IL34: variants seen among roughly 807,000 people sequenced by gnomAD.
IL34 encodes interleukin 34, also known as interleukin-34.
In IL34, 17 loss-of-function variants were observed where a neutral mutation model predicts 25.3. The ratio of observed to expected loss-of-function variants is 0.67; its 90% confidence interval spans 0.46 to 1.01. The LOEUF (loss-of-function observed/expected upper bound fraction) is 1.01, where lower values mean the gene tolerates loss of function less well. Among genes scored for constraint, IL34 ranks in the 50% least tolerant of loss-of-function variants. The pLI is 0.00. For missense variants in IL34, 368 were observed against 312.9 expected (o/e 1.18, Z -1.33); for synonymous variants, 174 against 140.9 (o/e 1.23, Z -1.66).
At chr16:70,657,188 G>C (rs527568081) in intron 4 of IL34, 67 bp downstream of exon 4, 1 of 1,530,172 alleles carries the variant, frequency 6.5e-7, no homozygotes, top group East Asian at 2.3e-5. Flanking sequence ...TGTGTGTGAG[G>C]TGTGGCCAAA....
chr16:70,644,064 T>A (rs1459534377), upstream of IL34, among the ~76,000 whole-genome samples: 3 of 152,200 alleles, frequency 2.0e-5, no homozygotes, highest in Non-Finnish European at 4.4e-5. Flanking sequence ...AACCTCCGCC[T>A]CCTGGGTTCC....
intron 1 of IL34, among the ~76,000 whole-genome samples, chr16:70,599,285 C>CT (rs1567439304): frequency 1.6e-5 from 2 of 122,670 alleles, no homozygotes; most frequent in African/African-American, 6.5e-5. Context: ...TTCTTTCTTT[C>CT]TTTCTTTCTT....
At chr16:70,588,316 A>G (rs1178762196) in intron 1 of IL34, among the ~76,000 whole-genome samples, 1 of 152,034 alleles carries the variant, frequency 6.6e-6, no homozygotes, top group Admixed American at 6.6e-5. Context: ...CAACATGGCA[A>G]AACCCCATAT....
chr16:70,584,678 C>G (rs2050670796), intron 1 of IL34, among the ~76,000 whole-genome samples: 1 of 152,008 alleles, frequency 6.6e-6, no homozygotes, highest in Admixed American at 6.6e-5. Flanking sequence ...TTTGCTGTTT[C>G]CTTGTCTTCC....
At chr16:70,631,746 C>G (rs79904026) in intron 1 of IL34, among the ~76,000 whole-genome samples, 5,173 of 152,270 alleles carry the variant, frequency 0.034, 322 homozygotes, top group African/African-American at 0.12. Context: ...CAGGTATACA[C>G]TGGGCGGGAT....
At chr16:70,616,578 G>A (rs1597748627) in intron 1 of IL34, among the ~76,000 whole-genome samples, 1 of 152,190 alleles carries the variant, frequency 6.6e-6, no homozygotes, top group Non-Finnish European at 1.5e-5. Context: ...GGCTGAGTCC[G>A]AAAAGAGAGT....
chr16:70,631,011 G>T (rs1021959440), intron 1 of IL34, among the ~76,000 whole-genome samples: 2 of 152,162 alleles, frequency 1.3e-5, no homozygotes, highest in Admixed American at 6.6e-5. Context: ...TATATACCTG[G>T]CAGTGAAGTT....
intron 1 of IL34, among the ~76,000 whole-genome samples, chr16:70,631,661 A>G (rs1443083484): frequency 6.6e-6 from 1 of 152,118 alleles, no homozygotes; most frequent in Non-Finnish European, 1.5e-5. Flanking sequence ...AAAAGTTAAA[A>G]TAGTTTTGGC....
chr16:70,586,015 G>A (rs548445080), intron 1 of IL34, among the ~76,000 whole-genome samples: 1 of 151,432 alleles, frequency 6.6e-6, no homozygotes, highest in South Asian at 2.1e-4. Context: ...TGTATTTTTA[G>A]TAGAGACAGT....
chr16:70,610,933 C>G (rs559178192), intron 1 of IL34, among the ~76,000 whole-genome samples: 21 of 151,870 alleles, frequency 1.4e-4, no homozygotes, highest in Admixed American at 4.6e-4. Flanking sequence ...TCTTTCCCCC[C>G]CTTCCATCCT....
At chr16:70,590,512 T>C (rs1382643130) in intron 1 of IL34, among the ~76,000 whole-genome samples, 1 of 151,986 alleles carries the variant, frequency 6.6e-6, no homozygotes, top group Non-Finnish European at 1.5e-5. Context: ...AACAAACCCT[T>C]GTAAAGGTGG....
chr16:70,636,875 CTATTT>C (rs1396444259), intron 1 of IL34, among the ~76,000 whole-genome samples: 3 of 152,046 alleles, frequency 2.0e-5, no homozygotes, highest in Non-Finnish European at 4.4e-5. Flanking sequence ...TGCCCCTTCC[CTATTT>C]TATTTTATTT....
intron 2 of IL34, 26 bp downstream of exon 2, chr16:70,654,697 C>T (rs777500567): frequency 3.2e-6 from 5 of 1,581,684 alleles, no homozygotes; most frequent in African/African-American, 1.3e-5. Context: ...CCAGCTGTGT[C>T]CCTGTCCCCG....
intron 1 of IL34, among the ~76,000 whole-genome samples, chr16:70,618,311 G>T (rs554490679): frequency 1.3e-5 from 2 of 152,112 alleles, no homozygotes; most frequent in African/African-American, 4.8e-5. Context: ...GGATCTGAGA[G>T]ATACAGTCAT....
chr16:70,659,527 TG>T, intron 4 of IL34, 90 bp from the exon 5 acceptor site: 1 of 1,457,398 alleles, frequency 6.9e-7, no homozygotes, highest in South Asian at 1.5e-5. Context: ...TTCCGGGGTT[TG>T]GGCAGCTCCA....
chr16:70,657,524 C>T lies in IL34; in HGVS notation c.402+403C>T, dbSNP rs190300998. 2.9e-4 allele frequency among the ~76,000 whole-genome samples: 44 copies of T among 152,178 alleles called. No homozygotes were observed. In the East Asian group the frequency reaches 6.6e-3, roughly 23 times the overall value. On this transcript the variant is annotated intron_variant, in intron 4 of 5. Transcript: ENST00000288098. ...AAAACATGCTGCAGGCCGGGCGCGGCGGCTCATGCCTGTAATCCCAGCACT... is the reference window on the plus strand; with the variant it reads ...AAAACATGCTGCAGGCCGGGCGCGGTGGCTCATGCCTGTAATCCCAGCACT...
At chr16:70,657,558 C>T (rs2052264786) in intron 4 of IL34, among the ~76,000 whole-genome samples, 1 of 152,026 alleles carries the variant, frequency 6.6e-6, no homozygotes, top group Admixed American at 6.6e-5. Context: ...CTTTGGGAGG[C>T]CGAGGTCAGG....
intron 4 of IL34, among the ~76,000 whole-genome samples, chr16:70,657,611 C>T (rs2052266402): frequency 6.6e-6 from 1 of 152,076 alleles, no homozygotes; most frequent in South Asian, 2.1e-4. Context: ...CCCGTCTCTA[C>T]TAAAAATACA....
At chr16:70,585,903 G>A (rs2050689236) in intron 1 of IL34, among the ~76,000 whole-genome samples, 2 of 146,608 alleles carry the variant, frequency 1.4e-5, no homozygotes, top group Admixed American at 1.4e-4. Context: ...GCGCAATCTC[G>A]GCTCACTGCA....
Sources: allele counts gnomAD v4.1 joint callset (sites outside exome capture counted in the v4.1 genomes callset), GRCh38; gene constraint gnomAD v4.1.1; transcripts MANE v1.5; gene names NCBI Gene and HGNC (gene_info 2026-07-23, HGNC 2026-07-21).